Variants in GREB1L observed in about 807,000 individuals in gnomAD.
The protein encoded by GREB1L is GREB1 like retinoic acid receptor coactivator.
A neutral mutation model predicts 200.8 loss-of-function variants in GREB1L; 17 were observed. The observed-to-expected ratio is 0.08, with a 90% CI of 0.06 to 0.13. The LOEUF is 0.13. GREB1L is among the 10% of genes least tolerant of loss of function. GREB1L has a pLI of 1.00. For missense variants in GREB1L, 1,657 were observed against 2,367.7 expected (o/e 0.70, Z 6.23); for synonymous variants, 789 against 893.0 (o/e 0.88, Z 2.08).
chr18:21,261,730 G>A (rs1294489399), intron 1 of GREB1L, among the ~76,000 whole-genome samples: 1 of 151,994 alleles, frequency 6.6e-6, no homozygotes, highest in Non-Finnish European at 1.5e-5. Flanking sequence ...ATTTACTAAA[G>A]GAATTGCTAT....
chr18:21,302,956 C>T (rs1390518195), intron 1 of GREB1L, among the ~76,000 whole-genome samples: 4 of 152,040 alleles, frequency 2.6e-5, no homozygotes, highest in Middle Eastern at 3.2e-3. Context: ...CTCCTGACCT[C>T]GTGATCCACC....
chr18:21,461,898 T>A (rs985907764), intron 15 of GREB1L, among the ~76,000 whole-genome samples: 10 of 152,196 alleles, frequency 6.6e-5, no homozygotes, highest in African/African-American at 2.4e-4. Context: ...AAAAACAAAT[T>A]TAGTCATTAA....
At chr18:21,282,566 T>C (rs1256202117) in intron 1 of GREB1L, among the ~76,000 whole-genome samples, 2 of 152,180 alleles carry the variant, frequency 1.3e-5, no homozygotes, top group Non-Finnish European at 2.9e-5. Context: ...TTGACAGTTA[T>C]TGGGTTGTTG....
chr18:21,284,358 A>G (rs2038320038), intron 1 of GREB1L, among the ~76,000 whole-genome samples: 1 of 152,166 alleles, frequency 6.6e-6, no homozygotes, highest in East Asian at 1.9e-4. Context: ...CCCTAGTCCT[A>G]GAGAATCACT....
At position 21,455,896 on chromosome 18, in the gene GREB1L, C is replaced by CTTTTTTT. The variant is rs775559267; in HGVS notation, c.2182+1350_2182+1356dup. Among the ~76,000 whole-genome samples the CTTTTTTT allele has an allele frequency of 9.4e-4, 92 of 97,872 alleles. 1 individual carries two copies. The highest frequency in any genetic ancestry group is 1.3e-3 in the Non-Finnish European group (66 of 51,368). The allele number at this position is 97,872 out of a possible 152,430, so 64.2% of individuals were successfully genotyped here. ...GGTTGTGCTCCGGATTCTGCATTTG[C>CTTTTTTT]TTTTTTTTTTTTTTTTTTTTTTTGT... On this transcript the variant is annotated intron_variant, in intron 15 of 32. Transcript: ENST00000424526.
intron 19 of GREB1L, among the ~76,000 whole-genome samples, chr18:21,494,209 G>A (rs749469109): frequency 1.1e-4 from 16 of 152,054 alleles, no homozygotes; most frequent in Admixed American, 2.6e-4. Flanking sequence ...TCTAAAACAC[G>A]GGAAGTCTGT....
intron 13 of GREB1L, 41 bp downstream of exon 13, chr18:21,451,192 T>C (rs1598862624): frequency 2.6e-6 from 4 of 1,543,780 alleles, no homozygotes; most frequent in East Asian, 2.5e-5. Context: ...CAGCCCCTAG[T>C]TGTATGATTT....
In GREB1L at chr18:21,403,854, AT is replaced by A. The variant is rs1159890032; in HGVS notation, c.710-13del. 1.3e-6 allele frequency: 2 copies of A among 1,549,122 alleles called. No individual in the cohort carries two copies. Among genetic ancestry groups the A allele is most frequent in the East Asian group, 4.9e-5 (2 of 40,872 alleles). On this transcript the variant is annotated splice_polypyrimidine_tract_variant and intron_variant, in intron 6 of 32. Transcript: ENST00000424526. ...AACATTGGTCACTTCATACAATGTG[AT>A]TTTTACTCTTTTCCAGAATGTAGAA...
intron 1 of GREB1L, among the ~76,000 whole-genome samples, chr18:21,272,810 A>C (rs1248684153): frequency 1.3e-5 from 2 of 152,264 alleles, no homozygotes; most frequent in African/African-American, 4.8e-5. Flanking sequence ...AAAAGATGTA[A>C]TTGAATTAAT....
At chr18:21,378,875 T>C in intron 2 of GREB1L, among the ~76,000 whole-genome samples, 1 of 152,004 alleles carries the variant, frequency 6.6e-6, no homozygotes, top group Non-Finnish European at 1.5e-5. Context: ...TTTAGTGTTT[T>C]TTTTTTCGGG....
intron 1 of GREB1L, among the ~76,000 whole-genome samples, chr18:21,262,181 C>T (rs528881168): frequency 7.2e-4 from 109 of 152,186 alleles, no homozygotes; most frequent in Non-Finnish European, 1.1e-3. Flanking sequence ...CTGTTTACTC[C>T]GTGATTCCAG....
intron 7 of GREB1L, among the ~76,000 whole-genome samples, chr18:21,437,222 C>G (rs1171175617): frequency 6.6e-6 from 1 of 152,094 alleles, no homozygotes; most frequent in Non-Finnish European, 1.5e-5. Flanking sequence ...AGCCATTGTG[C>G]CTGGCCATTT....
chr18:21,339,549 G>A (rs1214486986), intron 1 of GREB1L, among the ~76,000 whole-genome samples: 1 of 152,178 alleles, frequency 6.6e-6, no homozygotes, highest in African/African-American at 2.4e-5. Context: ...ACCTAGGTTT[G>A]AATCTTAGCA....
In GREB1L at chr18:21,511,256, C is replaced by G. The variant is rs549221681; in HGVS notation, c.4736-2565C>G. 2.0e-5 allele frequency among the ~76,000 whole-genome samples: 3 copies of G among 152,106 alleles called. No homozygotes were observed. The South Asian group carries it at 6.2e-4, about 32-fold the overall frequency. Reference sequence around the variant, plus strand: ...GCACTTGCCTGTAATTCCAGCTACTCAAGAGGCTGAGGCAGGAGAATCACT... The same window carrying G: ...GCACTTGCCTGTAATTCCAGCTACTGAAGAGGCTGAGGCAGGAGAATCACT... On this transcript the variant is annotated intron_variant, in intron 27 of 32. Coordinates refer to ENST00000424526, the MANE Select transcript of GREB1L (RefSeq NM_001142966.3).
At chr18:21,301,653 G>T (rs543922319) in intron 1 of GREB1L, among the ~76,000 whole-genome samples, 6 of 152,050 alleles carry the variant, frequency 3.9e-5, no homozygotes, top group Non-Finnish European at 7.4e-5. Flanking sequence ...ATAGCTCATG[G>T]GATATAATTT....
intron 19 of GREB1L, among the ~76,000 whole-genome samples, chr18:21,491,093 C>T (rs377638030): frequency 3.3e-5 from 5 of 152,128 alleles, no homozygotes; most frequent in East Asian, 1.9e-4. Flanking sequence ...ATGCCTGACT[C>T]GGTTTTTCTG....
intron 1 of GREB1L, among the ~76,000 whole-genome samples, chr18:21,281,123 G>A (rs1338106504): frequency 6.6e-6 from 1 of 152,212 alleles, no homozygotes; most frequent in Non-Finnish European, 1.5e-5. Context: ...AGTGAAGAAG[G>A]TATCTGGGGA....
In GREB1L at chr18:21,493,865, CAAAAAAAAA is replaced by C. The variant is rs35758360; in HGVS notation, c.3031-1785_3031-1777del. Among the ~76,000 whole-genome samples, 286 of 38,520 alleles carry C rather than the reference CAAAAAAAAA, an allele frequency of 7.4e-3. 3 individuals carry two copies. Among genetic ancestry groups the C allele is most frequent in the African/African-American group, 0.024 (190 of 8,044 alleles). The allele number at this position is 38,520 out of a possible 152,430, so 25.3% of individuals were successfully genotyped here. On this transcript the variant is annotated intron_variant, in intron 19 of 32. Transcript: ENST00000424526. ...TGGGTGACAGAGTGAGACCCTGTCT[CAAAAAAAAA>C]AAAAAAAAAAAAAAAAAAAGTCCTC...
intron 2 of GREB1L, among the ~76,000 whole-genome samples, chr18:21,378,115 T>C (rs2040151235): frequency 6.6e-6 from 1 of 152,224 alleles, no homozygotes; most frequent in Non-Finnish European, 1.5e-5. Flanking sequence ...TTTATTCACA[T>C]TGACTTCCAG....
Sources: allele counts gnomAD v4.1 joint callset (sites outside exome capture counted in the v4.1 genomes callset), GRCh38; gene constraint gnomAD v4.1.1; transcripts MANE v1.5; gene names NCBI Gene and HGNC (gene_info 2026-07-23, HGNC 2026-07-21).